Variants in LDLRAD3 observed in about 807,000 individuals in gnomAD.
LDLRAD3 encodes low-density lipoprotein receptor class A domain-containing protein 3.
A neutral mutation model predicts 29.4 loss-of-function variants in LDLRAD3; 20 were observed. The ratio of observed to expected loss-of-function variants is 0.68; its 90% confidence interval spans 0.48 to 0.99. The LOEUF (loss-of-function observed/expected upper bound fraction) is 0.99. Ranked by LOEUF, LDLRAD3 falls within the 50% of genes least tolerant of loss-of-function variation. The pLI is 0.00. For synonymous variants in LDLRAD3, 157 were observed against 192.7 expected (o/e 0.81, Z 1.53); for missense variants, 420 against 454.3 (o/e 0.92, Z 0.69).
At chr11:36,188,772 C>T (rs762102911) in intron 4 of LDLRAD3, among the ~76,000 whole-genome samples, 6 of 152,108 alleles carry the variant, frequency 3.9e-5, no homozygotes, top group Non-Finnish European at 8.8e-5. Context: ...AGGGATTTAG[C>T]ATAAGTCAAC....
chr11:35,997,529 G>A (rs1288476594), intron 1 of LDLRAD3: 10 of 355,282 alleles, frequency 2.8e-5, no homozygotes, highest in African/African-American at 8.6e-5. Context: ...TCCAGTCACC[G>A]GTTGCCTTGG....
chr11:36,204,272 A>G lies in LDLRAD3; in HGVS notation c.455-22813A>G, dbSNP rs1270686683. On this transcript the variant is annotated intron_variant, in intron 4 of 5. Transcript: ENST00000315571. ...ATGGCATAGCAAGGGGGTCAGGTCC[A>G]AGCCATCTCTTCCTGCTATATCCGG... Among the ~76,000 whole-genome samples the G allele has an allele frequency of 2.0e-5, 3 of 152,176 alleles. No homozygotes were observed. The East Asian group carries it at 5.8e-4, about 29-fold the overall frequency.
chr11:36,144,117 G>A (rs1317036606), intron 4 of LDLRAD3, among the ~76,000 whole-genome samples: 2 of 152,064 alleles, frequency 1.3e-5, no homozygotes, highest in Non-Finnish European at 2.9e-5. Flanking sequence ...TTTTGGTGGA[G>A]ACGGGGTTTC....
intron 1 of LDLRAD3, chr11:36,010,203 G>A (rs183016698): frequency 1.9e-5 from 3 of 154,484 alleles, no homozygotes; most frequent in Non-Finnish European, 2.9e-5. Flanking sequence ...ATTAGCCTTA[G>A]CAAAACATAT....
intron 2 of LDLRAD3, among the ~76,000 whole-genome samples, chr11:36,071,232 C>A (rs757973571): frequency 6.6e-6 from 1 of 152,172 alleles, no homozygotes; most frequent in African/African-American, 2.4e-5. Context: ...CTTCTAGGAG[C>A]GTCATTGCCA....
intron 1 of LDLRAD3, among the ~76,000 whole-genome samples, chr11:36,015,576 A>T (rs949702858): frequency 6.6e-6 from 1 of 151,992 alleles, no homozygotes; most frequent in Non-Finnish European, 1.5e-5. Flanking sequence ...TGAAGTAAAC[A>T]CACCTGGGGA....
chr11:36,047,089 C>T (rs915186742), intron 2 of LDLRAD3, among the ~76,000 whole-genome samples: 5 of 152,126 alleles, frequency 3.3e-5, no homozygotes, highest in Non-Finnish European at 7.4e-5. Context: ...CACAGTGTCA[C>T]CAGCTCTCCA....
chr11:36,138,550 T>C (rs1446968897), intron 4 of LDLRAD3, among the ~76,000 whole-genome samples: 2 of 152,234 alleles, frequency 1.3e-5, no homozygotes, highest in Non-Finnish European at 2.9e-5. Context: ...CAACACCCAT[T>C]ATCTCATGGA....
intron 4 of LDLRAD3, among the ~76,000 whole-genome samples, chr11:36,105,238 TGAGAGA>T (rs35668663): frequency 5.5e-5 from 7 of 128,424 alleles, no homozygotes; most frequent in South Asian, 2.7e-4. Flanking sequence ...TGTGTGTGTG[TGAGAGA>T]GAGAGAGAGA....
intron 4 of LDLRAD3, among the ~76,000 whole-genome samples, chr11:36,171,061 A>C (rs1854592664): frequency 6.6e-6 from 1 of 152,076 alleles, no homozygotes; most frequent in Non-Finnish European, 1.5e-5. Flanking sequence ...TGGCCTCCCA[A>C]AGTGCTGGGA....
rs543332964 is a variant in LDLRAD3 at position 36,108,189 on chromosome 11, G to A, written c.454+9728G>A. Among the ~76,000 whole-genome samples the A allele has an allele frequency of 1.6e-4, 25 of 151,706 alleles. 1 individual carries two copies. The highest frequency in any genetic ancestry group is 8.5e-4 in the Admixed American group (13 of 15,218). ...AACAAAATTAGCTGGGCGTGGTGGT[G>A]GGTGCCTGTAGTCCCAGCTACTCTG... On this transcript the variant is annotated intron_variant, in intron 4 of 5. Transcript: ENST00000315571.
chr11:36,030,255 G>C (rs1267110459), intron 1 of LDLRAD3, among the ~76,000 whole-genome samples: 1 of 152,236 alleles, frequency 6.6e-6, no homozygotes, highest in Admixed American at 6.5e-5. Flanking sequence ...GCTCCAGCAG[G>C]AAGCAGTTTG....
chr11:36,026,711 A>G (rs897211452), intron 1 of LDLRAD3, among the ~76,000 whole-genome samples: 1 of 152,226 alleles, frequency 6.6e-6, no homozygotes, highest in Non-Finnish European at 1.5e-5. Context: ...ATTACGATGC[A>G]TTAGCATGCT....
intron 4 of LDLRAD3, among the ~76,000 whole-genome samples, chr11:36,156,150 G>A (rs773657393): frequency 4.6e-5 from 7 of 152,180 alleles, no homozygotes; most frequent in East Asian, 1.9e-4. Context: ...TGAGAAGAAC[G>A]TACTGAGTGG....
At chr11:36,026,220 T>C (rs1178382791) in intron 1 of LDLRAD3, among the ~76,000 whole-genome samples, 1 of 152,258 alleles carries the variant, frequency 6.6e-6, no homozygotes, top group Non-Finnish European at 1.5e-5. Flanking sequence ...TTTACCTATG[T>C]TGAGTGATGT....
intron 1 of LDLRAD3, chr11:35,967,413 T>TC (rs1851355637): frequency 1.3e-5 from 4 of 302,946 alleles, no homozygotes; most frequent in Admixed American, 9.5e-5. Flanking sequence ...ATGGGTAATG[T>TC]CCTTACTCCT....
Position 36,114,062 on chromosome 11 carries a change from G to C in LDLRAD3, c.454+15601G>C, listed in dbSNP as rs554491776. Among the ~76,000 whole-genome samples the C allele has an allele frequency of 2.0e-4, 30 of 152,318 alleles. No individual in the cohort carries two copies. In the South Asian group the frequency reaches 2.7e-3, roughly 14 times the overall value. ...AAAGGGAGATTGGATGGGTACTGGG[G>C]ATTGATTAGCCACAGTCTTTGCCAC... On this transcript the variant is annotated intron_variant, in intron 4 of 5. Transcript: ENST00000315571.
chr11:35,956,463 C>T (rs1851201889), intron 1 of LDLRAD3, among the ~76,000 whole-genome samples: 1 of 152,176 alleles, frequency 6.6e-6, no homozygotes, highest in Non-Finnish European at 1.5e-5. Context: ...ATCAGCATCA[C>T]CTGAATCAGA....
At chr11:36,110,650 A>G (rs891076967) in intron 4 of LDLRAD3, among the ~76,000 whole-genome samples, 1 of 152,210 alleles carries the variant, frequency 6.6e-6, no homozygotes, top group Admixed American at 6.5e-5. Context: ...TCATGCACAC[A>G]TCATTTGCAG....
Sources: gnomAD v4.1 joint callset for allele counts (sites outside exome capture counted in the v4.1 genomes callset) on GRCh38, gnomAD v4.1.1 for gene constraint, MANE v1.5 for transcripts, NCBI Gene and HGNC (gene_info 2026-07-23, HGNC 2026-07-21) for gene names.